Variants in RPS6KA2 observed in about 807,000 individuals in gnomAD.
RPS6KA2 encodes the protein ribosomal protein S6 kinase A2.
RPS6KA2 carries 42 observed loss-of-function variants against 91.8 expected under a neutral mutation model. The observed-to-expected ratio is 0.46, with a 90% confidence interval of 0.36 to 0.59. RPS6KA2 has a LOEUF of 0.59. Among genes scored for constraint, RPS6KA2 ranks in the 20% least tolerant of loss-of-function variants. RPS6KA2 has a pLI of 0.00. For missense variants in RPS6KA2, 798 were observed against 978.5 expected (o/e 0.82, Z 2.46); for synonymous variants, 414 against 393.6 (o/e 1.05, Z -0.61).
At chr6:166,775,218 G>A (rs1430966991) in intron 2 of RPS6KA2, among the ~76,000 whole-genome samples, 5 of 151,740 alleles carry the variant, frequency 3.3e-5, no homozygotes. Flanking sequence ...AACACCCTGG[G>A]CCCTTCCTCC....
At chr6:166,824,831 GTGTGTGTATGCTTGTGTGTGTA>G (rs1780008312) in intron 2 of RPS6KA2, among the ~76,000 whole-genome samples, 5 of 149,390 alleles carry the variant, frequency 3.3e-5, no homozygotes, top group Non-Finnish European at 7.5e-5. Context: ...GTGTCTGTGT[GTGTGTGTATGCTTGTGTGTGTA>G]TCTATGTGTG....
In RPS6KA2 at chr6:166,445,258, T is replaced by TG. The variant is rs1473217291; in HGVS notation, c.1332+3465dup. On this transcript the variant is annotated intron_variant, in intron 14 of 20. Transcript: ENST00000265678. The surrounding 1 kb of genome is among the most constrained non-coding windows in gnomAD (Gnocchi z 4.5). ...GGGGTGGGGGGCTGCCCGCAGCACGTGGGGAACACTGAGCTGTTGGTCGGT... is the reference window on the plus strand; with the variant it reads ...GGGGTGGGGGGCTGCCCGCAGCACGTGGGGGAACACTGAGCTGTTGGTCGGT... Among the ~76,000 whole-genome samples the TG allele has an allele frequency of 2.0e-5, 3 of 151,970 alleles. No individual in the cohort carries two copies. Among genetic ancestry groups the TG allele is most frequent in the Non-Finnish European group, 2.9e-5 (2 of 67,982 alleles).
chr6:166,613,190 G>A (rs1786250966), intron 1 of RPS6KA2, among the ~76,000 whole-genome samples: 2 of 152,190 alleles, frequency 1.3e-5, no homozygotes, highest in South Asian at 4.1e-4. Flanking sequence ...ACTTTCAGTG[G>A]CATTTGCAGT....
intron 2 of RPS6KA2, among the ~76,000 whole-genome samples, chr6:166,761,991 G>A (rs963232195): frequency 2.0e-5 from 3 of 152,204 alleles, no homozygotes; most frequent in Non-Finnish European, 4.4e-5. Context: ...GAAAGTGGCC[G>A]AGGATAACCC....
intron 12 of RPS6KA2, among the ~76,000 whole-genome samples, chr6:166,454,016 G>C (rs965897480): frequency 6.6e-6 from 1 of 152,210 alleles, no homozygotes; most frequent in Admixed American, 6.5e-5. Flanking sequence ...ATGTCTGCAT[G>C]TGGATGTCGA....
intron 2 of RPS6KA2, among the ~76,000 whole-genome samples, chr6:166,792,384 T>C (rs1779112831): frequency 6.7e-6 from 1 of 149,874 alleles, no homozygotes; most frequent in Non-Finnish European, 1.5e-5. Flanking sequence ...CCAAAAAAAG[T>C]CCAGGACCAG....
intron 2 of RPS6KA2, among the ~76,000 whole-genome samples, chr6:166,647,970 ACACACATGCTCACACACACG>A (rs1320138517): frequency 9.7e-6 from 1 of 103,162 alleles, no homozygotes; most frequent in Non-Finnish European, 2.2e-5. Flanking sequence ...TTACATACAT[ACACACATGCTCACACACACG>A]CACATGCTCA....
In RPS6KA2 at chr6:166,666,708, C is replaced by A. The variant is rs1788327174; in HGVS notation, c.124-127924G>T. Among the ~76,000 whole-genome samples the A allele has an allele frequency of 6.6e-6, 1 of 152,156 alleles. No individual in the cohort carries two copies. The highest frequency in any genetic ancestry group is 2.4e-5 in the African/African-American group (1 of 41,426). On this transcript the variant is annotated intron_variant, in intron 2 of 21. Coordinates refer to the RPS6KA2 transcript ENST00000503859. This position sits in a 1 kb window ranked among gnomAD's most constrained non-coding sequence, Gnocchi z 4.0. ...GCAGGAGCTCTGGAAAACAGTATGG[C>A]CATTCCTCAGAAAGTTACACATAGA... is the stretch of plus-strand genomic sequence containing the variant.
chr6:166,740,435 C>T (rs986252476), intron 2 of RPS6KA2, among the ~76,000 whole-genome samples: 19 of 152,094 alleles, frequency 1.2e-4, no homozygotes, highest in Admixed American at 9.8e-4. Flanking sequence ...CATGGAGAGC[C>T]TTTCTATCAG....
chr6:166,446,826 T>C (rs1779695112), intron 14 of RPS6KA2, among the ~76,000 whole-genome samples: 2 of 152,324 alleles, frequency 1.3e-5, no homozygotes, highest in African/African-American at 2.4e-5. Context: ...TGATTGTTTC[T>C]GGGATTGCTG....
chr6:166,777,672 C>T (rs535866270), intron 2 of RPS6KA2, among the ~76,000 whole-genome samples: 88 of 152,120 alleles, frequency 5.8e-4, no homozygotes, highest in Non-Finnish European at 7.4e-4. Flanking sequence ...AAAACTGCTA[C>T]GGTTCACAGA....
In RPS6KA2 at chr6:166,665,669, C is replaced by T. The variant is rs1028809743; in HGVS notation, c.124-126885G>A. ...AGCACCGGAGACATGAAGTTTGCTA[C>T]TGAAGGTCTCCCAGCAAGCTGCAGG... On this transcript the variant is annotated intron_variant, in intron 2 of 21. Transcript: ENST00000503859. This position sits in a 1 kb window ranked among gnomAD's most constrained non-coding sequence, Gnocchi z 4.5. Among the ~76,000 whole-genome samples, 2 of 152,214 alleles carry T rather than the reference C, an allele frequency of 1.3e-5. No individual in the cohort carries two copies. The highest frequency in any genetic ancestry group is 2.9e-5 in the Non-Finnish European group (2 of 68,048).
chr6:166,548,580 G>A (rs1192867325), intron 1 of RPS6KA2, among the ~76,000 whole-genome samples: 1 of 152,206 alleles, frequency 6.6e-6, no homozygotes, highest in East Asian at 1.9e-4. Flanking sequence ...CAATTCAATA[G>A]AGGAAAGGCA....
chr6:166,601,138 A>G (rs983044109), intron 1 of RPS6KA2, among the ~76,000 whole-genome samples: 6 of 152,270 alleles, frequency 3.9e-5, no homozygotes, highest in African/African-American at 1.4e-4. Flanking sequence ...TTGGGCACCC[A>G]CAGGCCACAA....
At chr6:166,804,895 A>G (rs1275080932) in intron 2 of RPS6KA2, among the ~76,000 whole-genome samples, 1 of 152,260 alleles carries the variant, frequency 6.6e-6, no homozygotes, top group Admixed American at 6.5e-5. Flanking sequence ...AGGAATTAAT[A>G]GAGGCATCTC....
chr6:166,409,864 AC>A lies in RPS6KA2; in HGVS notation c.*2897del, dbSNP rs1353551005. ...TGAACAATACTGGATAACATTAAGT[AC>A]TATTATCACTTTAAAATTCAAACAA... is the stretch of plus-strand genomic sequence containing the variant. On this transcript the variant is annotated 3_prime_UTR_variant, in exon 21 of 21. Transcript: ENST00000265678. 6 of 152,584 alleles carry A rather than the reference AC, an allele frequency of 3.9e-5. No homozygotes were observed. 9.5% of individuals were successfully genotyped at this position (152,584 alleles called of 1,614,324 possible). A position where few individuals can be genotyped will look rare whatever the true frequency, so the allele number is the denominator to read the frequency against.
chr6:166,773,544 G>T (rs185529534), intron 2 of RPS6KA2, among the ~76,000 whole-genome samples: 20 of 152,198 alleles, frequency 1.3e-4, no homozygotes, highest in African/African-American at 4.3e-4. Context: ...TGGGATTACA[G>T]GCGCCCACCA....
chr6:166,846,403 A>AC (rs35243455), intron 2 of RPS6KA2, among the ~76,000 whole-genome samples: 117,324 of 151,826 alleles, frequency 0.77, 45,758 homozygotes, highest in Non-Finnish European at 0.83. Flanking sequence ...GAAGGACATA[A>AC]AAAAAAAGAA....
intron 1 of RPS6KA2, among the ~76,000 whole-genome samples, chr6:166,596,306 G>C (rs1356220018): frequency 6.6e-6 from 1 of 152,186 alleles, no homozygotes; most frequent in Non-Finnish European, 1.5e-5. Flanking sequence ...TATTGTTCCT[G>C]GGTGTGTCTG....
Sources: allele counts gnomAD v4.1 joint callset (sites outside exome capture counted in the v4.1 genomes callset), GRCh38; gene constraint gnomAD v4.1.1; non-coding constraint Gnocchi (gnomAD v3.1); transcripts MANE v1.5; gene names NCBI Gene and HGNC (gene_info 2026-07-23, HGNC 2026-07-21).